NRXN3: variants seen among roughly 807,000 people sequenced by gnomAD.
NRXN3 encodes the protein neurexin 3.
Under a neutral mutation model 137.6 loss-of-function variants are expected in NRXN3, and 32 were observed. The observed-to-expected ratio is 0.23, with a 90% CI of 0.18 to 0.31. The LOEUF (loss-of-function observed/expected upper bound fraction) is 0.31. NRXN3 is among the 10% of genes least tolerant of loss of function. The probability of loss-of-function intolerance (pLI) is 1.00; values close to 1 mark genes in which losing one functional copy is unlikely to be tolerated. For missense variants in NRXN3, 1,574 were observed against 2,062.5 expected, an observed-to-expected ratio of 0.76 and a Z score of 4.59; for synonymous variants, 798 against 784.5, an observed-to-expected ratio of 1.02 and a Z score of -0.29.
chr14:78,430,239 A>G (rs2093826616), intron 4 of NRXN3, among the ~76,000 whole-genome samples: 1 of 152,196 alleles, frequency 6.6e-6, no homozygotes, highest in South Asian at 2.1e-4. Context: ...CCCTGTCTCA[A>G]TTTTTGAAAA....
At chr14:79,772,941 T>C (rs1236355354) in intron 19 of NRXN3, among the ~76,000 whole-genome samples, 1 of 151,784 alleles carries the variant, frequency 6.6e-6, no homozygotes, top group African/African-American at 2.4e-5. Flanking sequence ...GAAAAAAACA[T>C]ACAACCCCAT....
intron 8 of NRXN3, among the ~76,000 whole-genome samples, chr14:78,760,289 G>A (rs554568731): frequency 2.5e-4 from 38 of 150,800 alleles, no homozygotes; most frequent in African/African-American, 4.2e-4. Context: ...TGATCCGCCC[G>A]CCTCGGCCTC....
intron 4 of NRXN3, among the ~76,000 whole-genome samples, chr14:78,628,902 A>C (rs1360022931): frequency 6.6e-6 from 1 of 152,218 alleles, no homozygotes; most frequent in African/African-American, 2.4e-5. Context: ...AGAAACAAGA[A>C]GGTTGGAGTT....
intron 15 of NRXN3, among the ~76,000 whole-genome samples, chr14:79,452,794 T>C (rs1472837890): frequency 6.6e-6 from 1 of 152,216 alleles, no homozygotes; most frequent in Admixed American, 6.5e-5. Flanking sequence ...AGTCATTGTC[T>C]TGCTAAAAAT....
intron 15 of NRXN3, among the ~76,000 whole-genome samples, chr14:79,015,661 G>C (rs1047703185): frequency 6.6e-6 from 1 of 152,122 alleles, no homozygotes; most frequent in African/African-American, 2.4e-5. Flanking sequence ...TCTGTTTTAA[G>C]GTCTGGCTCA....
At chr14:78,979,537 G>A (rs565579477) in intron 14 of NRXN3, among the ~76,000 whole-genome samples, 2 of 152,004 alleles carry the variant, frequency 1.3e-5, no homozygotes, top group East Asian at 3.9e-4. Flanking sequence ...ATAAAACAAT[G>A]TAAATTTTAA....
intron 16 of NRXN3, among the ~76,000 whole-genome samples, chr14:79,636,458 C>T (rs1378260619): frequency 6.6e-6 from 1 of 152,028 alleles, no homozygotes; most frequent in Non-Finnish European, 1.5e-5. Context: ...TATCAGTTCC[C>T]CATAAACTGT....
At chr14:78,639,155 G>A (rs951272106) in intron 4 of NRXN3, among the ~76,000 whole-genome samples, 5 of 152,226 alleles carry the variant, frequency 3.3e-5, no homozygotes, top group African/African-American at 1.2e-4. Context: ...TTGCCTAGCA[G>A]GCAAGGCAAT....
intron 15 of NRXN3, among the ~76,000 whole-genome samples, chr14:79,172,279 C>T (rs76495349): frequency 0.029 from 4,395 of 152,024 alleles, 139 homozygotes; most frequent in East Asian, 0.14. Context: ...TTTGAGCTTC[C>T]ATTGCCTTAC....
rs373825111 is a variant in NRXN3 at position 79,473,652 on chromosome 14, A to G, written c.3444+6250A>G. Among the ~76,000 whole-genome samples, 30 of 152,296 alleles carry G rather than the reference A, an allele frequency of 2.0e-4. No homozygotes were observed. The East Asian group carries it at 5.2e-3, about 26-fold the overall frequency. ...GGTAACGCAAATAAAAAAGGAACGA[A>G]CAAGAAAACAACAGAGGTATCCAAC... On this transcript the variant is annotated intron_variant, in intron 16 of 20. Transcript: ENST00000335750.
Position 78,512,927 on chromosome 14 carries a change from C to T in NRXN3, c.758-132193C>T, listed in dbSNP as rs373974835. Among the ~76,000 whole-genome samples, 24 of 152,240 alleles carry T rather than the reference C, an allele frequency of 1.6e-4. 1 individual carries two copies. In the East Asian group the frequency reaches 1.7e-3, roughly 11 times the overall value. The stretch of plus-strand genomic sequence containing the variant: ...ATTGATATAATTTTGCTTTCTGCCC[C>T]GTAGGATCTGAAGCAGTCCTGCCCC... On this transcript the variant is annotated intron_variant, in intron 4 of 20. Coordinates refer to ENST00000335750, the MANE Select transcript of NRXN3 (RefSeq NM_001330195.2).
chr14:78,772,889 C>T (rs1171862306), intron 8 of NRXN3, among the ~76,000 whole-genome samples: 1 of 152,160 alleles, frequency 6.6e-6, no homozygotes, highest in Non-Finnish European at 1.5e-5. Context: ...CAAACTTCTA[C>T]CCCTAAACAT....
At chr14:78,642,209 T>A (rs1341541985) in intron 4 of NRXN3, among the ~76,000 whole-genome samples, 5 of 152,142 alleles carry the variant, frequency 3.3e-5, no homozygotes, top group Non-Finnish European at 7.4e-5. Context: ...AGACCAGACA[T>A]GCCCCAAGCC....
At chr14:78,696,608 ATT>A (rs1567081492) in intron 6 of NRXN3, among the ~76,000 whole-genome samples, 1 of 151,968 alleles carries the variant, frequency 6.6e-6, no homozygotes, top group Non-Finnish European at 1.5e-5. Flanking sequence ...TGTTAACTAT[ATT>A]TTATGCTGCT....
intron 16 of NRXN3, among the ~76,000 whole-genome samples, chr14:79,565,306 T>TATGC (rs2097539073): frequency 6.9e-6 from 1 of 145,906 alleles, no homozygotes; most frequent in Non-Finnish European, 1.5e-5. Context: ...TGTATATACA[T>TATGC]ATACACACAC....
intron 4 of NRXN3, among the ~76,000 whole-genome samples, chr14:78,305,045 A>G (rs927685283): frequency 1.3e-5 from 2 of 152,208 alleles, no homozygotes; most frequent in African/African-American, 4.8e-5. Flanking sequence ...GATTCCTTCA[A>G]GATTTCTTAC....
chr14:79,815,659 A>G (rs1444598573), intron 20 of NRXN3, among the ~76,000 whole-genome samples: 1 of 152,172 alleles, frequency 6.6e-6, no homozygotes, highest in African/African-American at 2.4e-5. Context: ...TTGCTGATAA[A>G]TATTTTAAAA....
At chr14:78,755,177 G>A (rs998763096) in intron 8 of NRXN3, among the ~76,000 whole-genome samples, 6 of 148,588 alleles carry the variant, frequency 4.0e-5, no homozygotes, top group African/African-American at 1.5e-4. Flanking sequence ...CACCATGCCT[G>A]GCTAGTTTTT....
chr14:79,089,690 T>C (rs2048797325), intron 15 of NRXN3, among the ~76,000 whole-genome samples: 2 of 152,124 alleles, frequency 1.3e-5, no homozygotes, highest in African/African-American at 4.8e-5. Flanking sequence ...ATCAGATTTT[T>C]TTTTTCCCAT....
Sources: gnomAD v4.1 joint callset for allele counts (sites outside exome capture counted in the v4.1 genomes callset) on GRCh38, gnomAD v4.1.1 for gene constraint, MANE v1.5 for transcripts, NCBI Gene and HGNC (gene_info 2026-07-23, HGNC 2026-07-21) for gene names.